The following CSMD1 variants were observed in gnomAD, a reference collection of about 807,000 sequenced individuals.
CSMD1 encodes CUB and sushi domain-containing protein 1.
Under a neutral mutation model 417.5 loss-of-function variants are expected in CSMD1, and 213 were observed. The observed-to-expected ratio is 0.51, with a 90% confidence interval of 0.46 to 0.57. CSMD1 has a LOEUF of 0.57. CSMD1 is among the 20% of genes least tolerant of loss of function. CSMD1 has a pLI of 0.00. For synonymous variants in CSMD1, 2,862 were observed against 1,736.8 expected, an observed-to-expected ratio of 1.65 and a Z score of -16.11; for missense variants, 6,923 against 4,529.7, an observed-to-expected ratio of 1.53 and a Z score of -15.17.
At chr8:4,702,518 T>C (rs1807640099) in intron 1 of CSMD1, among the ~76,000 whole-genome samples, 1 of 152,108 alleles carries the variant, frequency 6.6e-6, no homozygotes. Flanking sequence ...AATAAAAATA[T>C]TTACCAGCTT....
rs189135430 is a variant in CSMD1, at chr8:3,087,036, A to G, written c.7474+61T>C. ...GTTAGTGCTTCATTTATTTTCAGAG[A>G]GTGATTAAAATGAGAGCAATACACA... On this transcript the variant is annotated intron_variant, in intron 49 of 69. Transcript: ENST00000635120. The G allele has an allele frequency of 6.8e-4, 930 of 1,374,178 alleles. 2 individuals carry two copies. In the African/African-American group the frequency reaches 0.011, roughly 17 times the overall value. 85.1% of individuals were successfully genotyped at this position (1,374,178 alleles called of 1,614,324 possible). A position where few individuals can be genotyped will look rare whatever the true frequency, so the allele number is the denominator to read the frequency against.
At chr8:4,495,436 C>G (rs957603062) in intron 2 of CSMD1, among the ~76,000 whole-genome samples, 2 of 151,894 alleles carry the variant, frequency 1.3e-5, no homozygotes, top group Admixed American at 6.6e-5. Flanking sequence ...TTAGCTAGGC[C>G]TGGTGACGTG....
chr8:4,563,198 G>A (rs554430925), intron 2 of CSMD1, among the ~76,000 whole-genome samples: 1 of 152,178 alleles, frequency 6.6e-6, no homozygotes, highest in East Asian at 1.9e-4. Flanking sequence ...TCAGGAGATT[G>A]AGACCATCCT....
At chr8:4,902,366 G>T (rs11783218) in intron 1 of CSMD1, among the ~76,000 whole-genome samples, 1 of 149,868 alleles carries the variant, frequency 6.7e-6, no homozygotes, top group Admixed American at 6.7e-5. Flanking sequence ...GAGCCCAGGA[G>T]TTGAAGACTG....
At chr8:3,413,770 G>C (rs771183340) in intron 12 of CSMD1, among the ~76,000 whole-genome samples, 1 of 152,152 alleles carries the variant, frequency 6.6e-6, no homozygotes, top group Non-Finnish European at 1.5e-5. Flanking sequence ...GTAAGATACT[G>C]TTGACAATGA....
intron 2 of CSMD1, among the ~76,000 whole-genome samples, chr8:4,480,578 G>C (rs1225448622): frequency 1.3e-5 from 2 of 152,146 alleles, no homozygotes; most frequent in Non-Finnish European, 2.9e-5. Flanking sequence ...AATCAGCACG[G>C]TTTAGCTTCA....
At chr8:3,676,822 T>A (rs147525681) in intron 7 of CSMD1, among the ~76,000 whole-genome samples, 2 of 152,100 alleles carry the variant, frequency 1.3e-5, no homozygotes, top group Non-Finnish European at 1.5e-5. Flanking sequence ...ATACACACCA[T>A]GGAATAAAGG....
intron 4 of CSMD1, among the ~76,000 whole-genome samples, chr8:4,005,463 G>T (rs939650825): frequency 2.0e-5 from 3 of 152,086 alleles, no homozygotes; most frequent in African/African-American, 7.2e-5. Flanking sequence ...TCAACATGGT[G>T]GCCGACATGA....
chr8:4,434,586 A>T (rs1245093299), intron 2 of CSMD1, among the ~76,000 whole-genome samples: 1 of 152,210 alleles, frequency 6.6e-6, no homozygotes, highest in Non-Finnish European at 1.5e-5. Context: ...AGTTCATGTT[A>T]CAGTCAATGA....
chr8:4,066,730 G>A (rs1490365314), intron 3 of CSMD1, among the ~76,000 whole-genome samples: 1 of 152,118 alleles, frequency 6.6e-6, no homozygotes, highest in Non-Finnish European at 1.5e-5. Flanking sequence ...GGACGAGAGT[G>A]AAGACTGAGA....
At chr8:4,287,889 C>G (rs896488904) in intron 3 of CSMD1, among the ~76,000 whole-genome samples, 58 of 151,886 alleles carry the variant, frequency 3.8e-4, no homozygotes, top group African/African-American at 1.4e-3. Flanking sequence ...TCAGGACATC[C>G]CAGGTTGCTC....
At chr8:3,290,063 G>A (rs1803435934) in intron 25 of CSMD1, among the ~76,000 whole-genome samples, 1 of 147,018 alleles carries the variant, frequency 6.8e-6, no homozygotes, top group African/African-American at 2.7e-5. Flanking sequence ...AGTTTTCCCA[G>A]CACCATTTAT....
intron 3 of CSMD1, among the ~76,000 whole-genome samples, chr8:4,352,980 G>T (rs572130962): frequency 5.8e-4 from 89 of 152,274 alleles, no homozygotes; most frequent in African/African-American, 2.1e-3. Context: ...CCAAGCCTTT[G>T]AATGCAACAT....
intron 3 of CSMD1, among the ~76,000 whole-genome samples, chr8:4,131,597 C>G (rs1803107982): frequency 2.0e-5 from 3 of 151,998 alleles, no homozygotes; most frequent in Non-Finnish European, 4.4e-5. Flanking sequence ...GTCCCTAATG[C>G]TTAGTTTTAC....
chr8:2,962,432 C>T, intron 61 of CSMD1, 34 bp downstream of exon 61: 4 of 1,575,552 alleles, frequency 2.5e-6, no homozygotes, highest in Non-Finnish European at 2.6e-6. Context: ...CCAAATACTC[C>T]CAGGTATCCC....
At chr8:4,870,440 C>T (rs1802672015) in intron 1 of CSMD1, among the ~76,000 whole-genome samples, 1 of 152,118 alleles carries the variant, frequency 6.6e-6, no homozygotes, top group African/African-American at 2.4e-5. Flanking sequence ...TATTCCATAA[C>T]TTGAATGCAC....
At chr8:3,951,333 C>G (rs996847862) in intron 5 of CSMD1, among the ~76,000 whole-genome samples, 12 of 152,174 alleles carry the variant, frequency 7.9e-5, no homozygotes, top group African/African-American at 2.7e-4. Context: ...AGCACCAGCC[C>G]AGTGTCCTGA....
chr8:3,719,350 AG>A (rs1320559947), intron 6 of CSMD1, among the ~76,000 whole-genome samples: 1 of 152,144 alleles, frequency 6.6e-6, no homozygotes, highest in Non-Finnish European at 1.5e-5. Flanking sequence ...TGAAATCCTG[AG>A]CCACAGCCTC....
intron 2 of CSMD1, among the ~76,000 whole-genome samples, chr8:4,506,968 C>A (rs1802558035): frequency 6.6e-6 from 1 of 151,990 alleles, no homozygotes; most frequent in African/African-American, 2.4e-5. Flanking sequence ...ACATTTTTTT[C>A]ATAAACAAAA....
Sources: gnomAD v4.1 joint callset for allele counts (sites outside exome capture counted in the v4.1 genomes callset) on GRCh38, gnomAD v4.1.1 for gene constraint, MANE v1.5 for transcripts, NCBI Gene and HGNC (gene_info 2026-07-23, HGNC 2026-07-21) for gene names.